The following OTOG variants were observed in gnomAD, a reference collection of about 807,000 sequenced individuals.
The protein encoded by OTOG is otogelin.
OTOG carries 296 observed loss-of-function variants against 313.8 expected under a neutral mutation model. That is an observed-to-expected ratio of 0.94 (90% CI 0.86 to 1.04). The LOEUF is 1.04. OTOG is among the 50% of genes least tolerant of loss of function. The pLI, the probability that OTOG is intolerant of heterozygous loss-of-function variation, is 0.00. For synonymous variants in OTOG, 1,533 were observed against 1,554.9 expected (o/e 0.99, Z 0.33); for missense variants, 3,948 against 3,840.1 (o/e 1.03, Z -0.74).
chr11:17,605,971 A>T lies in OTOG; in HGVS notation c.3992A>T (p.His1331Leu), dbSNP rs979062685. The change falls in exon 33 of 56, where the codon CAT becomes CTT. Residue 1331 changes from histidine (H) to leucine (L), a missense_variant. Coordinates refer to ENST00000399397, the MANE Select transcript of OTOG (RefSeq NM_001292063.2). ...CAGGGCCGTGACACCTTCCAACAGCATGCCTCCTTCTTGCTGCACCGGGGG... is the reference window on the plus strand; with the variant it reads ...CAGGGCCGTGACACCTTCCAACAGCTTGCCTCCTTCTTGCTGCACCGGGGG... Reference protein sequence around the residue: ...KWQGRDTFQQHASFLLHRGTR... With the variant: ...KWQGRDTFQQLASFLLHRGTR... 98 of 1,550,470 alleles carry T rather than the reference A, an allele frequency of 6.3e-5. No individual in the cohort carries two copies. Among genetic ancestry groups the T allele is most frequent in the Non-Finnish European group, 7.5e-5 (86 of 1,146,998 alleles).
At chr11:17,636,306 A>AGTAC (rs1185331583) in intron 47 of OTOG, among the ~76,000 whole-genome samples, 1 of 152,204 alleles carries the variant, frequency 6.6e-6, no homozygotes, top group Non-Finnish European at 1.5e-5. Flanking sequence ...ATAGTACCTC[A>AGTAC]ATAGTAACTG....
chr11:17,574,291 C>T (rs1852467682), intron 19 of OTOG, among the ~76,000 whole-genome samples: 4 of 150,356 alleles, frequency 2.7e-5, no homozygotes, highest in African/African-American at 7.4e-5. Flanking sequence ...GTGTGTGACA[C>T]AGCCAGGGGA....
At chr11:17,572,454 G>A (rs1852425457) in intron 18 of OTOG, among the ~76,000 whole-genome samples, 1 of 152,210 alleles carries the variant, frequency 6.6e-6, no homozygotes, top group South Asian at 2.1e-4. Context: ...GGCAAAAGCG[G>A]AAGTCGGCCC....
At position 17,640,805 on chromosome 11, in the gene OTOG, G is replaced by T; in HGVS notation, c.7996G>T (p.Ala2666Ser). 1 of 1,550,284 alleles carries T rather than the reference G, an allele frequency of 6.5e-7. No homozygotes were observed. Among genetic ancestry groups the T allele is most frequent in the Non-Finnish European group, 8.7e-7 (1 of 1,146,992 alleles). The change falls in exon 50 of 56, where the codon GCC (alanine) becomes TCC (serine). Residue 2666 changes from alanine to serine, a missense_variant. Transcript: ENST00000399397. ...CAGCGTGGAGAATGTGTGTGGCTGCGCCAAGTACGAGTGTGGTGAGTGGGG... is the reference window on the plus strand; with the variant it reads ...CAGCGTGGAGAATGTGTGTGGCTGCTCCAAGTACGAGTGTGGTGAGTGGGG... Reference protein sequence around the residue: ...MHSVENVCGCAKYECVKAPVC... With the variant: ...MHSVENVCGCSKYECVKAPVC...
intron 33 of OTOG, among the ~76,000 whole-genome samples, chr11:17,606,385 A>G (rs1807421047): frequency 6.6e-6 from 1 of 152,242 alleles, no homozygotes; most frequent in South Asian, 2.1e-4. Flanking sequence ...GCCACAGGCC[A>G]ATTACACTGT....
chr11:17,598,713 T>C (rs1320210573), intron 30 of OTOG, among the ~76,000 whole-genome samples: 1 of 152,216 alleles, frequency 6.6e-6, no homozygotes, highest in Admixed American at 6.5e-5. Context: ...AGCTGGCTTT[T>C]TAATGACTCT....
intron 18 of OTOG, 50 bp downstream of exon 18, chr11:17,572,254 A>G (rs1227809768): frequency 6.5e-7 from 1 of 1,545,672 alleles, no homozygotes. Context: ...GGTGGGGAGG[A>G]CTGCTTTGAG....
intron 24 of OTOG, among the ~76,000 whole-genome samples, chr11:17,590,268 C>T (rs1392638363): frequency 1.3e-5 from 2 of 152,190 alleles, no homozygotes; most frequent in South Asian, 2.1e-4. Context: ...ATCTGATCTT[C>T]CCCCTCAAAC....
chr11:17,631,748 C>G lies in OTOG; in HGVS notation c.6759C>G (p.Gly2253=), dbSNP rs1175453398. 2 of 1,550,616 alleles carry G rather than the reference C, an allele frequency of 1.3e-6. No homozygotes were observed. The change falls in exon 41 of 56, where the codon GGC becomes GGG. Residue 2253 remains glycine, a synonymous_variant. Transcript: ENST00000399397. ...CCAATGACCTTACCCTGAAGGATGG[C>G]TCAGTGGTGGGTGGGGCTGAGGACC... ...DAANDLTLKD[G]SVVGGAEDPA...
intron 4 of OTOG, among the ~76,000 whole-genome samples, 168 bp from the exon 5 acceptor site, chr11:17,552,951 G>C (rs1166653626): frequency 1.3e-5 from 2 of 152,224 alleles, no homozygotes; most frequent in Non-Finnish European, 2.9e-5. Context: ...TGCCAGGGAG[G>C]GGGCAGGGCT....
At chr11:17,644,193 C>T (rs1251564331) in intron 54 of OTOG, among the ~76,000 whole-genome samples, 1 of 152,282 alleles carries the variant, frequency 6.6e-6, no homozygotes, top group African/African-American at 2.4e-5. Flanking sequence ...GCCCGCTCAC[C>T]TGGCACCCAC....
In OTOG at chr11:17,611,053, C is replaced by T. The variant is rs866380872; in HGVS notation, c.5753C>T (p.Ser1918Phe). The change falls in exon 36 of 56, where the codon TCT becomes TTT. Residue 1918 changes from serine (S) to phenylalanine (F), a missense_variant. Ser to Phe is a radical substitution (Grantham distance 155). Transcript: ENST00000399397. ...GKVAILSKQV[S>F]LPTSMYGSAE... The stretch of plus-strand genomic sequence containing the variant: ...GTGGCCATCCTATCCAAGCAAGTGT[C>T]TCTGCCCACTTCCATGTATGGTTCT... 12 of 1,550,554 alleles carry T rather than the reference C, an allele frequency of 7.7e-6. No homozygotes were observed. The African/African-American group carries it at 1.5e-4, about 19-fold the overall frequency.
chr11:17,573,024 A>C, intron 18 of OTOG, 54 bp from the exon 19 acceptor site: 2 of 1,446,946 alleles, frequency 1.4e-6, no homozygotes, highest in South Asian at 2.6e-5. Flanking sequence ...TGATCCTGGG[A>C]CACCAGGTAG....
At chr11:17,631,675 C>G (rs1341822636) in intron 40 of OTOG, 27 bp from the exon 41 acceptor site, 1 of 1,524,246 alleles carries the variant, frequency 6.6e-7, no homozygotes, top group Non-Finnish European at 8.9e-7. Context: ...ATGATCGTGG[C>G]TGTTGGGATT....
intron 27 of OTOG, 65 bp from the exon 28 acceptor site, chr11:17,593,982 C>T: frequency 1.9e-6 from 3 of 1,541,336 alleles, no homozygotes; most frequent in Non-Finnish European, 2.6e-6. Context: ...CTCATGGTGA[C>T]CCCTCTGCCC....
intron 39 of OTOG, among the ~76,000 whole-genome samples, chr11:17,625,917 T>A (rs369393472): frequency 2.6e-5 from 4 of 152,182 alleles, no homozygotes; most frequent in Non-Finnish European, 4.4e-5. Flanking sequence ...TTTCTTGTAG[T>A]GGTTTTATAG....
chr11:17,628,104 T>C (rs1026295823), intron 39 of OTOG, among the ~76,000 whole-genome samples: 1 of 152,132 alleles, frequency 6.6e-6, no homozygotes, highest in African/African-American at 2.4e-5. Flanking sequence ...CTACTAATTT[T>C]GGATTCGATT....
intron 21 of OTOG, 63 bp downstream of exon 21, chr11:17,576,693 A>C (rs1333785035): frequency 5.4e-6 from 8 of 1,480,596 alleles, no homozygotes. Context: ...GACTGAAGAC[A>C]GTGCAGCTGA....
At chr11:17,580,244 G>A (rs1453439276) in intron 23 of OTOG, among the ~76,000 whole-genome samples, 2 of 152,362 alleles carry the variant, frequency 1.3e-5, no homozygotes, top group East Asian at 3.9e-4. Flanking sequence ...TAGGCAGTGA[G>A]GCACAATGAG....
Sources: allele counts gnomAD v4.1 joint callset (sites outside exome capture counted in the v4.1 genomes callset), GRCh38; gene constraint gnomAD v4.1.1; transcripts MANE v1.5; gene names NCBI Gene and HGNC (gene_info 2026-07-23, HGNC 2026-07-21).